GRAMD1C: variants seen among roughly 807,000 people sequenced by gnomAD.
The protein encoded by GRAMD1C is protein Aster-C.
Under a neutral mutation model 97.8 loss-of-function variants are expected in GRAMD1C, and 89 were observed. The observed-to-expected ratio is 0.91, with a 90% CI of 0.77 to 1.09. GRAMD1C has a LOEUF of 1.09. GRAMD1C is among the 50% of genes least tolerant of loss of function. The probability of loss-of-function intolerance (pLI) is 0.00; values close to 1 mark genes in which losing one functional copy is unlikely to be tolerated. For missense variants in GRAMD1C, 740 were observed against 766.4 expected (o/e 0.97, Z 0.41); for synonymous variants, 256 against 267.0 (o/e 0.96, Z 0.40).
intron 2 of GRAMD1C, among the ~76,000 whole-genome samples, chr3:113,853,508 C>T (rs1018187691): frequency 1.3e-5 from 2 of 152,188 alleles, no homozygotes; most frequent in Non-Finnish European, 2.9e-5. Flanking sequence ...GTGAGCTGCT[C>T]ACAGGATAAA....
chr3:113,909,043 C>A lies in GRAMD1C; in HGVS notation c.875C>A (p.Pro292Gln). Reference sequence around the variant, plus strand: ...TTGGAAAAGAAGTTAACTAGAGTGCCATCAAAGTCACTGGACTTGAATAAA... The same window carrying A: ...TTGGAAAAGAAGTTAACTAGAGTGCAATCAAAGTCACTGGACTTGAATAAA... The part of the protein sequence containing the change: ...PTLEKKLTRV[P>Q]SKSLDLNKNE... The change falls in exon 9 of 18, where the codon CCA becomes CAA. Residue 292 changes from proline (P) to glutamine (Q), a missense_variant. Transcript: ENST00000358160. The A allele has an allele frequency of 6.4e-7, 1 of 1,565,288 alleles. No homozygotes were observed. The highest frequency in any genetic ancestry group is 1.2e-5 in the South Asian group (1 of 84,526).
At chr3:113,892,388 C>T (rs923898920) in intron 6 of GRAMD1C, among the ~76,000 whole-genome samples, 2 of 152,134 alleles carry the variant, frequency 1.3e-5, no homozygotes, top group African/African-American at 4.8e-5. Context: ...AGGAGAATCG[C>T]TTGAACCTGG....
chr3:113,857,917 A>T (rs894192835), intron 2 of GRAMD1C, among the ~76,000 whole-genome samples: 1 of 152,058 alleles, frequency 6.6e-6, no homozygotes, highest in African/African-American at 2.4e-5. Context: ...TTTGTTAAGG[A>T]TTCTTATATC....
intron 6 of GRAMD1C, chr3:113,885,549 G>A (rs1935442475): frequency 1.3e-6 from 2 of 1,594,080 alleles, no homozygotes; most frequent in African/African-American, 2.7e-5. Context: ...TGAGGCCGCA[G>A]TCCGGCCTGT....
intron 12 of GRAMD1C, 41 bp from the exon 13 acceptor site, chr3:113,934,391 C>T (rs1157584818): frequency 1.1e-6 from 1 of 904,314 alleles, no homozygotes; most frequent in East Asian, 2.5e-5. Flanking sequence ...TAACTAAAGT[C>T]TGCTCTTTAA....
At chr3:113,875,627 G>A (rs1934996554) in intron 4 of GRAMD1C, 40 bp downstream of exon 4, 2 of 870,702 alleles carry the variant, frequency 2.3e-6, no homozygotes, top group Non-Finnish European at 4.0e-6. Context: ...ACAAATAATT[G>A]CATAGAGATA....
chr3:113,940,371 C>T (rs1180284131), intron 17 of GRAMD1C, 26 bp downstream of exon 17: 43 of 1,111,360 alleles, frequency 3.9e-5, no homozygotes, highest in Non-Finnish European at 2.8e-6. Flanking sequence ...CATCACAGTA[C>T]TTAGTATCTT....
At chr3:113,924,239 A>G (rs1348680490) in intron 10 of GRAMD1C, among the ~76,000 whole-genome samples, 1 of 151,470 alleles carries the variant, frequency 6.6e-6, no homozygotes, top group Non-Finnish European at 1.5e-5. Context: ...GATTTCATTG[A>G]TCTTTTGTAT....
Position 113,909,074 on chromosome 3 carries a change from A to G in GRAMD1C, c.906A>G (p.Glu302=), listed in dbSNP as rs367842464. 56 of 1,558,834 alleles carry G rather than the reference A, an allele frequency of 3.6e-5. 1 individual carries two copies. The highest frequency in any genetic ancestry group is 1.7e-4 in the Middle Eastern group (1 of 5,958). ...AGTCACTGGACTTGAATAAAAATGA[A>G]TATCTTTCTCTGGACAAAAGCAGCA... ...PSKSLDLNKN[E]YLSLDKSSTS... Residue 302 remains glutamate, a synonymous_variant, in exon 9 of 18, where the codon GAA becomes GAG. Transcript: ENST00000358160.
upstream of GRAMD1C, among the ~76,000 whole-genome samples, chr3:113,837,093 TTTCC>T (rs202147724): frequency 7.3e-5 from 11 of 151,660 alleles, no homozygotes; most frequent in African/African-American, 9.7e-5. Flanking sequence ...TCCTTCCTTC[TTTCC>T]TTCCTTCCTT....
chr3:113,833,120 C>CTTTTTTTTTTTTT (rs200062835), intron 1 of GRAMD1C, among the ~76,000 whole-genome samples: 8 of 129,470 alleles, frequency 6.2e-5, no homozygotes, highest in East Asian at 2.2e-4. Context: ...TTCTTTCTTT[C>CTTTTTTTTTTTTT]TTTTTTTTTT....
At chr3:113,869,254 G>A (rs1284800703) in intron 2 of GRAMD1C, among the ~76,000 whole-genome samples, 1 of 151,994 alleles carries the variant, frequency 6.6e-6, no homozygotes, top group Non-Finnish European at 1.5e-5. Flanking sequence ...ATTTTCCATC[G>A]TTTGAGATGA....
intron 2 of GRAMD1C, among the ~76,000 whole-genome samples, chr3:113,856,746 C>T (rs542927259): frequency 1.9e-4 from 29 of 152,080 alleles, no homozygotes; most frequent in African/African-American, 7.0e-4. Context: ...TCCATGTTGG[C>T]CAGGCTGATC....
At chr3:113,844,400 T>A (rs1933514625) in intron 1 of GRAMD1C, 103 bp from the exon 2 acceptor site, 1 of 723,834 alleles carries the variant, frequency 1.4e-6, no homozygotes, top group Non-Finnish European at 2.4e-6. Flanking sequence ...ATTTAAATAT[T>A]GCCCTTTTAA....
chr3:113,925,227 C>A (rs542551720), intron 10 of GRAMD1C, among the ~76,000 whole-genome samples: 1 of 152,140 alleles, frequency 6.6e-6, no homozygotes, highest in Non-Finnish European at 1.5e-5. Flanking sequence ...CGGGGGCTCA[C>A]GCCTGTAATC....
intron 7 of GRAMD1C, among the ~76,000 whole-genome samples, chr3:113,902,288 G>T (rs946668896): frequency 2.6e-5 from 4 of 151,986 alleles, no homozygotes; most frequent in African/African-American, 9.7e-5. Context: ...TTTTTACATG[G>T]TTGCACATGT....
rs919250358 is a variant in GRAMD1C at position 113,868,823 on chromosome 3, C to T, written c.175-684C>T. Among the ~76,000 whole-genome samples, 15 of 152,142 alleles carry T rather than the reference C, an allele frequency of 9.9e-5. No homozygotes were observed. In the East Asian group the frequency reaches 1.2e-3, roughly 12 times the overall value. Reference sequence around the variant, plus strand: ...CTTGGGCTTTCTCTAGTTTGTGTTACGCACATTGGAGCTTTTGTTCAGCTA... The same window carrying T: ...CTTGGGCTTTCTCTAGTTTGTGTTATGCACATTGGAGCTTTTGTTCAGCTA... On this transcript the variant is annotated intron_variant, in intron 2 of 17. Transcript: ENST00000358160.
chr3:113,846,938 C>G (rs1320270493), intron 2 of GRAMD1C, among the ~76,000 whole-genome samples: 1 of 152,140 alleles, frequency 6.6e-6, no homozygotes, highest in East Asian at 1.9e-4. Context: ...GACACCAGAA[C>G]TGTCAACAAC....
Position 113,876,159 on chromosome 3 carries a change from GT to G in GRAMD1C, c.364-3del. On this transcript the variant is annotated splice_region_variant and splice_polypyrimidine_tract_variant and intron_variant, in intron 4 of 17. Coordinates refer to ENST00000358160, the MANE Select transcript of GRAMD1C (RefSeq NM_017577.5). ...AATACATTAAAAAAATTTTTTGTGT[GT>G]TTAGATTTCTATTGCTTTAAAGAAT... is the stretch of plus-strand genomic sequence containing the variant. 6.8e-7 allele frequency: 1 copy of G among 1,465,314 alleles called. No homozygotes were observed. Among genetic ancestry groups the G allele is most frequent in the Non-Finnish European group, 9.5e-7 (1 of 1,054,146 alleles). The allele number at this position is 1,465,314 out of a possible 1,614,324, so 90.8% of individuals were successfully genotyped here. A position where few individuals can be genotyped will look rare whatever the true frequency, so the allele number is the denominator to read the frequency against.
Sources: allele counts gnomAD v4.1 joint callset (sites outside exome capture counted in the v4.1 genomes callset), GRCh38; gene constraint gnomAD v4.1.1; transcripts MANE v1.5; gene names NCBI Gene and HGNC (gene_info 2026-07-23, HGNC 2026-07-21).